CNTN5: variants seen among roughly 807,000 people sequenced by gnomAD.
The protein encoded by CNTN5 is contactin-5.
CNTN5 carries 77 observed loss-of-function variants against 129.1 expected under a neutral mutation model. The observed-to-expected ratio is 0.60, with a 90% confidence interval of 0.50 to 0.72. The LOEUF (loss-of-function observed/expected upper bound fraction) is 0.72. CNTN5 is among the 30% of genes least tolerant of loss of function. The pLI, the probability that CNTN5 is intolerant of heterozygous loss-of-function variation, is 0.00. For missense variants in CNTN5, 1,478 were observed against 1,328.8 expected (o/e 1.11, Z -1.75); for synonymous variants, 509 against 465.6 (o/e 1.09, Z -1.20).
rs895150158 is a variant in CNTN5 at position 100,291,616 on chromosome 11, G to A, written c.2315-6009G>A. On this transcript the variant is annotated intron_variant, in intron 18 of 24. Coordinates refer to ENST00000524871, the MANE Select transcript of CNTN5 (RefSeq NM_014361.4). ...CACTCTGGGGACTGTGGTGGGGAAG[G>A]GGGAGGGATAGCATTGGGAGATATA... is the stretch of plus-strand genomic sequence containing the variant. 7.9e-5 allele frequency among the ~76,000 whole-genome samples: 12 copies of A among 151,864 alleles called. 1 individual carries two copies. The highest frequency in any genetic ancestry group is 1.6e-4 in the Non-Finnish European group (11 of 67,960).
At chr11:99,728,537 A>C (rs1323105752) in intron 3 of CNTN5, among the ~76,000 whole-genome samples, 1 of 151,892 alleles carries the variant, frequency 6.6e-6, no homozygotes, top group Non-Finnish European at 1.5e-5. Context: ...GCTTTTTAGA[A>C]ATAAATAGAT....
chr11:99,252,744 T>C (rs1862176428), intron 1 of CNTN5, among the ~76,000 whole-genome samples: 1 of 152,126 alleles, frequency 6.6e-6, no homozygotes, highest in African/African-American at 2.4e-5. Flanking sequence ...TTTTTTGTTC[T>C]GTGAAAAGCC....
At chr11:99,073,285 G>T (rs1311376843) in intron 1 of CNTN5, among the ~76,000 whole-genome samples, 2 of 150,118 alleles carry the variant, frequency 1.3e-5, no homozygotes, top group African/African-American at 4.9e-5. Context: ...AGCTTTCGTA[G>T]AAATTGTCTT....
intron 7 of CNTN5, among the ~76,000 whole-genome samples, chr11:99,942,159 A>G (rs930315709): frequency 6.6e-6 from 1 of 152,036 alleles, no homozygotes; most frequent in Non-Finnish European, 1.5e-5. Flanking sequence ...AATTAAATTA[A>G]TTTAAATAAG....
intron 2 of CNTN5, among the ~76,000 whole-genome samples, chr11:99,403,186 G>C (rs1421498272): frequency 6.6e-6 from 1 of 151,748 alleles, no homozygotes; most frequent in Non-Finnish European, 1.5e-5. Context: ...TTTTGTAGTA[G>C]AGATGGGGTC....
At chr11:99,919,169 C>T (rs750431037) in intron 7 of CNTN5, among the ~76,000 whole-genome samples, 1 of 152,146 alleles carries the variant, frequency 6.6e-6, no homozygotes, top group African/African-American at 2.4e-5. Context: ...TTTACGTGCT[C>T]TTTTTCTTGC....
At chr11:99,805,229 CAT>C (rs1946231750) in intron 3 of CNTN5, among the ~76,000 whole-genome samples, 1 of 152,054 alleles carries the variant, frequency 6.6e-6, no homozygotes, top group Non-Finnish European at 1.5e-5. Context: ...ATTAGGAAAA[CAT>C]AGTTAACTAG....
intron 6 of CNTN5, among the ~76,000 whole-genome samples, chr11:99,878,759 G>T (rs1948697713): frequency 6.6e-6 from 1 of 152,032 alleles, no homozygotes; most frequent in African/African-American, 2.4e-5. Flanking sequence ...GGAGGCTGAG[G>T]CAGGGGAATC....
intron 2 of CNTN5, among the ~76,000 whole-genome samples, chr11:99,470,816 T>TTA (rs1945142902): frequency 2.8e-5 from 4 of 145,252 alleles, no homozygotes; most frequent in Admixed American, 2.1e-4. Context: ...ACAAATTTAT[T>TTA]TTTTTTTATC....
chr11:100,234,848 C>T (rs1477674714), intron 16 of CNTN5, among the ~76,000 whole-genome samples: 1 of 148,060 alleles, frequency 6.8e-6, no homozygotes, highest in Non-Finnish European at 1.5e-5. Context: ...TAAAATGCCA[C>T]CAGGAAAACT....
chr11:99,818,448 G>T (rs1231058762), intron 3 of CNTN5, among the ~76,000 whole-genome samples: 2 of 151,694 alleles, frequency 1.3e-5, no homozygotes, highest in Admixed American at 1.3e-4. Context: ...GTGTAGATGG[G>T]GTCTCACTTT....
intron 2 of CNTN5, among the ~76,000 whole-genome samples, chr11:99,481,424 A>G (rs1945596962): frequency 6.6e-6 from 1 of 152,046 alleles, no homozygotes; most frequent in South Asian, 2.1e-4. Context: ...TTTTTCTCCA[A>G]TCATAGTCCT....
intron 17 of CNTN5, among the ~76,000 whole-genome samples, chr11:100,261,779 C>T (rs188519428): frequency 2.4e-4 from 36 of 152,256 alleles, no homozygotes; most frequent in African/African-American, 8.2e-4. Context: ...CTTCCTTACA[C>T]CTTATACAAA....
chr11:99,627,382 C>A (rs1311957602), intron 3 of CNTN5, among the ~76,000 whole-genome samples: 1 of 151,938 alleles, frequency 6.6e-6, no homozygotes, highest in Non-Finnish European at 1.5e-5. Flanking sequence ...ACTATTCTTA[C>A]CATAGTTGAA....
intron 3 of CNTN5, among the ~76,000 whole-genome samples, chr11:99,785,823 CTAAAT>C (rs1253548325): frequency 6.6e-6 from 1 of 152,032 alleles, no homozygotes; most frequent in African/African-American, 2.4e-5. Flanking sequence ...GCTAAAAACT[CTAAAT>C]AAAGTAGGTA....
At chr11:99,572,179 C>A (rs1027132208) in intron 3 of CNTN5, among the ~76,000 whole-genome samples, 3 of 152,094 alleles carry the variant, frequency 2.0e-5, no homozygotes, top group African/African-American at 7.2e-5. Flanking sequence ...ATGTTCAATC[C>A]TTTGGCTTCC....
intron 2 of CNTN5, among the ~76,000 whole-genome samples, chr11:99,431,679 C>T (rs1943376105): frequency 6.6e-6 from 1 of 152,052 alleles, no homozygotes; most frequent in Admixed American, 6.6e-5. Context: ...TTGGTAAAAA[C>T]AAAAAGTATC....
chr11:99,883,658 C>T (rs1948827495), intron 6 of CNTN5, among the ~76,000 whole-genome samples: 1 of 152,164 alleles, frequency 6.6e-6, no homozygotes, highest in South Asian at 2.1e-4. Flanking sequence ...ATACTCCTGG[C>T]CTGTCTTGAT....
chr11:100,256,613 T>C (rs1944189), intron 17 of CNTN5, among the ~76,000 whole-genome samples: 2 of 151,780 alleles, frequency 1.3e-5, no homozygotes, highest in South Asian at 2.1e-4. Context: ...GCTCATCTCA[T>C]TGGGACTGGT....
Sources: gnomAD v4.1 joint callset for allele counts (sites outside exome capture counted in the v4.1 genomes callset) on GRCh38, gnomAD v4.1.1 for gene constraint, MANE v1.5 for transcripts, NCBI Gene and HGNC (gene_info 2026-07-23, HGNC 2026-07-21) for gene names.